Variants in GAB2 observed in about 807,000 individuals in gnomAD.
GAB2 encodes GRB2 associated binding protein 2, also known as GRB2-associated-binding protein 2.
GAB2 carries 26 observed loss-of-function variants against 65.5 expected under a neutral mutation model. The observed-to-expected ratio is 0.40, with a 90% CI of 0.29 to 0.55. GAB2 has a LOEUF of 0.55. GAB2 is among the 20% of genes least tolerant of loss of function. GAB2 has a pLI of 0.53. For synonymous variants in GAB2, 321 were observed against 329.6 expected, an observed-to-expected ratio of 0.97 and a Z score of 0.28; for missense variants, 884 against 875.8, an observed-to-expected ratio of 1.01 and a Z score of -0.12.
chr11:78,336,473 AGTT>A lies in GAB2; in HGVS notation c.76-55575_76-55573del, dbSNP rs985781973. Among the ~76,000 whole-genome samples, 29 of 96,888 alleles carry A rather than the reference AGTT, an allele frequency of 3.0e-4. 2 individuals carry two copies. The Admixed American group carries it at 3.5e-3, about 12-fold the overall frequency. The allele number at this position is 96,888 out of a possible 152,430, so 63.6% of individuals were successfully genotyped here. Reference sequence around the variant, plus strand: ...CTTTACTGAATTTATCAGTTGTAATAGTTGTTGTTTTTTTTTTTTTTTGGTGAA... The same window carrying A: ...CTTTACTGAATTTATCAGTTGTAATAGTTGTTTTTTTTTTTTTTTGGTGAA... On this transcript the variant is annotated intron_variant, in intron 1 of 9. Coordinates refer to ENST00000361507, the MANE Select transcript of GAB2 (RefSeq NM_080491.3).
intron 1 of GAB2, among the ~76,000 whole-genome samples, chr11:78,286,770 T>A: frequency 6.6e-6 from 1 of 152,210 alleles, no homozygotes. Flanking sequence ...TTCTGATAAG[T>A]GCAGTATCCA....
intron 2 of GAB2, among the ~76,000 whole-genome samples, chr11:78,278,052 A>G (rs1180221510): frequency 6.6e-6 from 1 of 150,530 alleles, no homozygotes; most frequent in Admixed American, 6.6e-5. Flanking sequence ...GTGTTTGTGA[A>G]GTTTTTCTTC....
intron 1 of GAB2, among the ~76,000 whole-genome samples, chr11:78,414,372 A>G (rs1565190430): frequency 1.3e-5 from 2 of 152,346 alleles, no homozygotes; most frequent in Middle Eastern, 3.4e-3. Context: ...ACCTTAATGC[A>G]GTAGTTCTTT....
chr11:78,220,857 G>A (rs1158940774), intron 8 of GAB2, among the ~76,000 whole-genome samples: 1 of 152,320 alleles, frequency 6.6e-6, no homozygotes, highest in Admixed American at 6.5e-5. Flanking sequence ...TGGCGCTTAA[G>A]AAAGGAGCAC....
At chr11:78,287,833 A>C (rs1456369304) in intron 1 of GAB2, among the ~76,000 whole-genome samples, 1 of 150,410 alleles carries the variant, frequency 6.6e-6, no homozygotes, top group Admixed American at 6.6e-5. Context: ...TTTTTATTAG[A>C]GATGGGGTTT....
At chr11:78,283,788 T>A (rs1040886516) in intron 1 of GAB2, among the ~76,000 whole-genome samples, 3 of 152,124 alleles carry the variant, frequency 2.0e-5, no homozygotes, top group African/African-American at 7.2e-5. Flanking sequence ...TCTCCTTCTA[T>A]CTACCGGGCC....
intron 1 of GAB2, among the ~76,000 whole-genome samples, chr11:78,365,161 T>C (rs899799346): frequency 2.8e-4 from 43 of 152,310 alleles, no homozygotes; most frequent in African/African-American, 1.0e-3. Context: ...AAAAGGAGTC[T>C]GGTAACGGAC....
At chr11:78,285,251 A>G (rs1184575401) in intron 1 of GAB2, among the ~76,000 whole-genome samples, 1 of 152,240 alleles carries the variant, frequency 6.6e-6, no homozygotes, top group African/African-American at 2.4e-5. Context: ...TCTGGTATGC[A>G]GGTGCAAGCA....
chr11:78,329,170 G>C (rs1591042608), intron 1 of GAB2, among the ~76,000 whole-genome samples: 1 of 152,110 alleles, frequency 6.6e-6, no homozygotes, highest in African/African-American at 2.4e-5. Context: ...TTTCAATCTT[G>C]CTTTATGTTT....
At chr11:78,296,960 C>G (rs894627241) in intron 1 of GAB2, among the ~76,000 whole-genome samples, 7 of 152,198 alleles carry the variant, frequency 4.6e-5, no homozygotes, top group African/African-American at 1.7e-4. Context: ...ATCCCCTTCA[C>G]GAGGGCTCTG....
chr11:78,338,622 C>G (rs1169524852), intron 1 of GAB2, among the ~76,000 whole-genome samples: 2 of 152,150 alleles, frequency 1.3e-5, no homozygotes, highest in Non-Finnish European at 2.9e-5. Context: ...AAACAGAATT[C>G]AATCCCATTT....
chr11:78,340,453 T>C (rs1219160631), intron 1 of GAB2, among the ~76,000 whole-genome samples: 4 of 152,144 alleles, frequency 2.6e-5, no homozygotes, highest in Non-Finnish European at 5.9e-5. Context: ...TGCTCCCAAA[T>C]ATAGTATTTT....
At chr11:78,407,848 T>C (rs984892421) in intron 1 of GAB2, among the ~76,000 whole-genome samples, 2 of 152,036 alleles carry the variant, frequency 1.3e-5, no homozygotes, top group Non-Finnish European at 2.9e-5. Flanking sequence ...GGAAAGACCA[T>C]GGATTTTTCA....
intron 1 of GAB2, among the ~76,000 whole-genome samples, chr11:78,393,839 G>A (rs1480504251): frequency 6.6e-6 from 1 of 152,172 alleles, no homozygotes; most frequent in African/African-American, 2.4e-5. Flanking sequence ...AAATCCATAA[G>A]GTAGTTATGT....
At chr11:78,275,976 T>C (rs1866157105) in intron 2 of GAB2, among the ~76,000 whole-genome samples, 1 of 151,730 alleles carries the variant, frequency 6.6e-6, no homozygotes, top group Admixed American at 6.6e-5. Flanking sequence ...TAGCCAGACA[T>C]GGTGTTGCCT....
At position 78,334,001 on chromosome 11, in the gene GAB2, C is replaced by A. The variant is rs546783174; in HGVS notation, c.76-53100G>T. 4.1e-4 allele frequency among the ~76,000 whole-genome samples: 63 copies of A among 152,260 alleles called. No homozygotes were observed. In the South Asian group the frequency reaches 0.011, roughly 27 times the overall value. Reference sequence around the variant, plus strand: ...GGCATCTCCAGACTATATCTGAGACCCTCTTGAGCTGTCATGAGTAAAGGT... The same window carrying A: ...GGCATCTCCAGACTATATCTGAGACACTCTTGAGCTGTCATGAGTAAAGGT... On this transcript the variant is annotated intron_variant, in intron 1 of 9. Transcript: ENST00000361507.
At chr11:78,401,242 AC>A (rs1856967721) in intron 1 of GAB2, among the ~76,000 whole-genome samples, 1 of 152,118 alleles carries the variant, frequency 6.6e-6, no homozygotes, top group Non-Finnish European at 1.5e-5. Context: ...AATGTCCAGA[AC>A]CCTTTATCTT....
intron 1 of GAB2, among the ~76,000 whole-genome samples, chr11:78,398,007 T>A (rs893094006): frequency 8.5e-6 from 1 of 117,976 alleles, no homozygotes; most frequent in Non-Finnish European, 1.6e-5. Flanking sequence ...GCTATGGTCC[T>A]GCCTGTGAAT....
chr11:78,250,670 G>A (rs1402631262), intron 2 of GAB2, among the ~76,000 whole-genome samples: 1 of 152,102 alleles, frequency 6.6e-6, no homozygotes, highest in Non-Finnish European at 1.5e-5. Context: ...CAGGAAGTAC[G>A]GCTACCTGTG....
Sources: allele counts gnomAD v4.1 joint callset (sites outside exome capture counted in the v4.1 genomes callset), GRCh38; gene constraint gnomAD v4.1.1; transcripts MANE v1.5; gene names NCBI Gene and HGNC (gene_info 2026-07-23, HGNC 2026-07-21).